Variants in PLEKHG1 observed in about 807,000 individuals in gnomAD.
PLEKHG1 encodes the protein pleckstrin homology and RhoGEF domain containing G1, also known as pleckstrin homology domain-containing family G member 1.
Under a neutral mutation model 100.8 loss-of-function variants are expected in PLEKHG1, and 44 were observed. That is an observed-to-expected ratio of 0.44 (90% CI 0.34 to 0.56). The LOEUF (loss-of-function observed/expected upper bound fraction) is 0.56. Ranked by LOEUF, PLEKHG1 falls within the 20% of genes least tolerant of loss-of-function variation. The pLI is 0.01. For synonymous variants in PLEKHG1, 640 were observed against 662.5 expected (o/e 0.97, Z 0.52); for missense variants, 1,545 against 1,720.9 (o/e 0.90, Z 1.81).
At chr6:150,816,143 G>A (rs1351194581) in intron 10 of PLEKHG1, among the ~76,000 whole-genome samples, 3 of 152,036 alleles carry the variant, frequency 2.0e-5, no homozygotes, top group South Asian at 4.1e-4. Flanking sequence ...GACACCCCAA[G>A]TGTGTTGCTT....
chr6:150,821,360 C>A, intron 13 of PLEKHG1, 127 bp downstream of exon 14: 1 of 706,558 alleles, frequency 1.4e-6, no homozygotes, highest in Non-Finnish European at 2.4e-6. Flanking sequence ...AAAAGATTAA[C>A]TTCTGTAAAT....
At chr6:150,818,698 A>G (rs1467967396) in intron 11 of PLEKHG1, among the ~76,000 whole-genome samples, 1 of 152,234 alleles carries the variant, frequency 6.6e-6, no homozygotes, top group Non-Finnish European at 1.5e-5. Context: ...AGCAGGAGAG[A>G]ATAAATGTTA....
rs712218 is a variant in PLEKHG1 at position 150,804,760 on chromosome 6, G to A, written c.912+19G>A. The stretch of plus-strand genomic sequence containing the variant: ...GTTACAGGTGAGCCCGCGAGGTGTC[G>A]GTGCCCGGCAGGGTTGCAGGTGTAG... On this transcript the variant is annotated intron_variant, in intron 7 of 15. Coordinates refer to ENST00000358517, the Ensembl canonical transcript of PLEKHG1. 0.51 allele frequency: 816,397 copies of A among 1,606,988 alleles called. 208,551 individuals are homozygous for A. Among genetic ancestry groups the A allele is most frequent in the East Asian group, 0.6 (27,006 of 44,762 alleles).
intron 1 of PLEKHG1, among the ~76,000 whole-genome samples, chr6:150,723,276 C>T (rs1383087121): frequency 1.3e-5 from 2 of 152,158 alleles, no homozygotes; most frequent in African/African-American, 4.8e-5. Flanking sequence ...CATGCAAATC[C>T]TCTGACCAAA....
At chr6:150,721,858 T>G (rs1781689477) in intron 1 of PLEKHG1, among the ~76,000 whole-genome samples, 1 of 152,226 alleles carries the variant, frequency 6.6e-6, no homozygotes, top group Admixed American at 6.5e-5. Context: ...TGATGCATTT[T>G]GAAAGATATT....
intron 3 of PLEKHG1, among the ~76,000 whole-genome samples, chr6:150,680,604 G>A (rs912820054): frequency 2.0e-5 from 3 of 152,148 alleles, no homozygotes; most frequent in Non-Finnish European, 4.4e-5. Flanking sequence ...GATTCTAAGG[G>A]GCCATGGTCC....
At chr6:150,799,464 C>T (rs538801528) in intron 5 of PLEKHG1, among the ~76,000 whole-genome samples, 1 of 152,346 alleles carries the variant, frequency 6.6e-6, no homozygotes, top group South Asian at 2.1e-4. Context: ...TCCTTGTCCT[C>T]AGATGCCTGC....
chr6:150,666,883 C>T (rs529066753), intron 3 of PLEKHG1, among the ~76,000 whole-genome samples: 1 of 152,138 alleles, frequency 6.6e-6, no homozygotes, highest in South Asian at 2.1e-4. Flanking sequence ...GCCTCAGCCT[C>T]CCAAGTAGCT....
intron 2 of PLEKHG1, among the ~76,000 whole-genome samples, chr6:150,644,685 A>G (rs1562405302): frequency 2.0e-5 from 3 of 152,096 alleles, no homozygotes; most frequent in Non-Finnish European, 4.4e-5. Flanking sequence ...ATTTCCAAAT[A>G]TATTTTTTTA....
At chr6:150,762,928 A>C (rs1784240511) in intron 2 of PLEKHG1, among the ~76,000 whole-genome samples, 1 of 152,032 alleles carries the variant, frequency 6.6e-6, no homozygotes, top group Admixed American at 6.6e-5. Context: ...AGTACTTTGT[A>C]AATAATTCTT....
intron 3 of PLEKHG1, among the ~76,000 whole-genome samples, chr6:150,654,496 G>C (rs1778881942): frequency 6.6e-6 from 1 of 152,206 alleles, no homozygotes; most frequent in African/African-American, 2.4e-5. Flanking sequence ...CTCATGAGCA[G>C]GTGCAGGAGG....
intron 1 of PLEKHG1, among the ~76,000 whole-genome samples, chr6:150,625,561 T>C (rs985514487): frequency 2.0e-5 from 3 of 152,048 alleles, no homozygotes; most frequent in African/African-American, 7.2e-5. Context: ...GGTGCAATCT[T>C]GGCTCACTGC....
At chr6:150,690,937 C>T (rs1315685563) in intron 3 of PLEKHG1, among the ~76,000 whole-genome samples, 1 of 152,198 alleles carries the variant, frequency 6.6e-6, no homozygotes, top group Non-Finnish European at 1.5e-5. Context: ...TCTTCCGCAA[C>T]CCAGCGCATG....
chr6:150,674,670 TCTC>T, intron 3 of PLEKHG1, among the ~76,000 whole-genome samples: 1 of 144,264 alleles, frequency 6.9e-6, no homozygotes, highest in East Asian at 2.0e-4. Flanking sequence ...TCTCTCTCTC[TCTC>T]TCTCTCTCTC....
At chr6:150,620,607 G>A (rs1306323358) in intron 1 of PLEKHG1, among the ~76,000 whole-genome samples, 1 of 152,208 alleles carries the variant, frequency 6.6e-6, no homozygotes, top group Non-Finnish European at 1.5e-5. Flanking sequence ...TAAATTGCCA[G>A]ATCTTACTGA....
At chr6:150,626,840 G>A (rs1344057484) in intron 1 of PLEKHG1, among the ~76,000 whole-genome samples, 3 of 152,160 alleles carry the variant, frequency 2.0e-5, no homozygotes, top group Non-Finnish European at 4.4e-5. Context: ...GTGTGTGTGT[G>A]TTTTGTATTT....
chr6:150,676,112 A>G (rs1779749854), intron 3 of PLEKHG1, among the ~76,000 whole-genome samples: 2 of 152,364 alleles, frequency 1.3e-5, no homozygotes, highest in South Asian at 4.1e-4. Flanking sequence ...AGAAAATTGA[A>G]AAGGGCAAAG....
exon 15 of PLEKHG1, chr6:150,830,844 A>T: frequency 6.2e-7 from 1 of 1,614,158 alleles, no homozygotes; most frequent in East Asian, 2.2e-5. Context: ...AGACTATGTG[A>T]AGATAGCACT....
At chr6:150,766,750 T>G (rs767038379) in intron 2 of PLEKHG1, among the ~76,000 whole-genome samples, 9 of 152,224 alleles carry the variant, frequency 5.9e-5, no homozygotes, top group Non-Finnish European at 1.2e-4. Flanking sequence ...TGAAATTCTT[T>G]AAGCCCCTTA....
Sources: allele counts gnomAD v4.1 joint callset (sites outside exome capture counted in the v4.1 genomes callset), GRCh38; gene constraint gnomAD v4.1.1; transcripts MANE v1.5; gene names NCBI Gene and HGNC (gene_info 2026-07-23, HGNC 2026-07-21).